The following NBPF14 variants were observed in gnomAD, a reference collection of about 807,000 sequenced individuals.
NBPF14 encodes NBPF member 14, also known as NBPF family member NBPF14.
In NBPF14, 104 loss-of-function variants were observed where a neutral mutation model predicts 91.2. The ratio of observed to expected loss-of-function variants is 1.14; its 90% confidence interval spans 0.97 to 1.34. NBPF14 has a LOEUF of 1.34. NBPF14 is among the 40% of genes most tolerant of loss of function. NBPF14 has a pLI of 0.00. For synonymous variants in NBPF14, 294 were observed against 303.8 expected (o/e 0.97, Z 0.34); for missense variants, 908 against 783.0 (o/e 1.16, Z -1.91).
In NBPF14 at chr1:148,566,598, TGAGG is replaced by T. The variant is rs1181698199; in HGVS notation, c.3543-287_3543-284del. Among the ~76,000 whole-genome samples, 21 of 140,712 alleles carry T rather than the reference TGAGG, an allele frequency of 1.5e-4. 1 individual carries two copies. The highest frequency in any genetic ancestry group is 1.5e-3 in the Admixed American group (21 of 14,220). The allele number at this position is 140,712 out of a possible 152,430, so 92.3% of individuals were successfully genotyped here. Reference sequence around the variant, plus strand: ...GTGAATTGTCCAGGTGACACACTGATGAGGGAGTAACAGGACACTCTGAGTTAGT... The same window carrying T: ...GTGAATTGTCCAGGTGACACACTGATGAGTAACAGGACACTCTGAGTTAGT... On this transcript the variant is annotated intron_variant, in intron 28 of 70. Transcript: ENST00000619423.
chr1:148,539,288 C>T (rs1655499975), intron 63 of NBPF14, 122 bp downstream of exon 63: 1 of 637,382 alleles, frequency 1.6e-6, no homozygotes, highest in Non-Finnish European at 2.8e-6. Context: ...CCTATATGCG[C>T]CCATAGGTCC....
chr1:148,586,805 G>C (rs1485967952), intron 8 of NBPF14, among the ~76,000 whole-genome samples: 1 of 137,316 alleles, frequency 7.3e-6, no homozygotes, highest in Non-Finnish European at 1.6e-5. Flanking sequence ...AATACACATA[G>C]TGCATCTTGC....
rs1258529529 is a variant in NBPF14 at position 148,533,986 on chromosome 1, C to A, written c.8615-17G>T. 4 of 697,762 alleles carry A rather than the reference C, an allele frequency of 5.7e-6. No homozygotes were observed. The Admixed American group carries it at 6.2e-5, about 11-fold the overall frequency. 43.2% of individuals were successfully genotyped at this position (697,762 alleles called of 1,614,324 possible). A position where few individuals can be genotyped will look rare whatever the true frequency, so the allele number is the denominator to read the frequency against. ...TTTCAATTTCTGCAATAAATTCAGA[C>A]ATGGACAGACACATTAAGCTGATTC... is the stretch of plus-strand genomic sequence containing the variant. On this transcript the variant is annotated splice_polypyrimidine_tract_variant and intron_variant, in intron 69 of 70. Transcript: ENST00000619423.
chr1:148,594,106 G>A (rs1353712204), intron 2 of NBPF14, among the ~76,000 whole-genome samples: 1 of 146,690 alleles, frequency 6.8e-6, no homozygotes, highest in African/African-American at 2.5e-5. Flanking sequence ...GGGACTGATG[G>A]CTTCCCTTTT....
Position 148,559,493 on chromosome 1 carries a change from C to G in NBPF14, c.4729+300G>C, listed in dbSNP as rs1358896525. On this transcript the variant is annotated intron_variant, in intron 37 of 70. Transcript: ENST00000619423. Reference sequence around the variant, plus strand: ...TGAAGGATGAAATCTACAAGATCTACAAAATTGAGACAAAATCAGAGTTGT... The same window carrying G: ...TGAAGGATGAAATCTACAAGATCTAGAAAATTGAGACAAAATCAGAGTTGT... Among the ~76,000 whole-genome samples the G allele has an allele frequency of 7.9e-3, 880 of 111,238 alleles. 5 individuals are homozygous for G. The highest frequency in any genetic ancestry group is 0.022 in the Middle Eastern group (5 of 226). The allele number at this position is 111,238 out of a possible 152,430, so 73.0% of individuals were successfully genotyped here.
intron 3 of NBPF14, among the ~76,000 whole-genome samples, chr1:148,593,149 C>A (rs1184312641): frequency 0.017 from 2,447 of 147,434 alleles, 126 homozygotes; most frequent in African/African-American, 0.058. Flanking sequence ...GAAATGAGGC[C>A]AGGTGCAGAT....
At chr1:148,534,552 C>A (rs1326761265) in intron 69 of NBPF14, 132 bp downstream of exon 69, 12 of 721,476 alleles carry the variant, frequency 1.7e-5, no homozygotes, top group East Asian at 2.6e-5. Flanking sequence ...TTCATTACAA[C>A]CTATATGCGC....
At chr1:148,566,422 G>C (rs1267538725) in intron 28 of NBPF14, 107 bp from the exon 29 acceptor site, 2 of 610,092 alleles carry the variant, frequency 3.3e-6, no homozygotes, top group African/African-American at 1.9e-5. Flanking sequence ...AAACTAAAAG[G>C]ATAGATCCAT....
At chr1:148,532,235 C>T (rs1193718929) in exon 71 of NBPF14, 1 of 150,944 alleles carries the variant, frequency 6.6e-6, no homozygotes, top group African/African-American at 2.4e-5. Flanking sequence ...CTGGTGATTA[C>T]CTCCTATGAA....
At chr1:148,561,814 C>CAGAGAGAGAGAG (rs1250718234) in intron 34 of NBPF14, among the ~76,000 whole-genome samples, 1 of 134,674 alleles carries the variant, frequency 7.4e-6, no homozygotes, top group African/African-American at 3.6e-5. Context: ...CACACACACA[C>CAGAGAGAGAGAG]ACACAGAGAG....
At chr1:148,591,154 C>T (rs1279565480) in intron 5 of NBPF14, among the ~76,000 whole-genome samples, 186 bp from the exon 6 acceptor site, 1 of 146,232 alleles carries the variant, frequency 6.8e-6, no homozygotes, top group Non-Finnish European at 1.5e-5. Flanking sequence ...GCCATGGGAG[C>T]CAGAGAGGAA....
intron 70 of NBPF14, 76 bp downstream of exon 70, chr1:148,533,785 C>A (rs1337785258): frequency 3.9e-6 from 3 of 764,358 alleles, no homozygotes; most frequent in Non-Finnish European, 7.2e-6. Context: ...TGACATCAAA[C>A]ACACTCTGGT....
intron 34 of NBPF14, among the ~76,000 whole-genome samples, chr1:148,561,836 G>T (rs1440433093): frequency 7.2e-6 from 1 of 138,030 alleles, no homozygotes. Flanking sequence ...GAGAGAGAGA[G>T]AGAGAGAGAG....
chr1:148,577,574 ACACT>A (rs1187358199), intron 14 of NBPF14, among the ~76,000 whole-genome samples: 20 of 149,416 alleles, frequency 1.3e-4, no homozygotes, highest in Middle Eastern at 3.5e-3. Context: ...ACACACACAC[ACACT>A]CACACACACA....
rs1304142695 is a variant in NBPF14, at chr1:148,533,977, A to G, written c.8615-8T>C. ...TCCCCTTCTTTTCAATTTCTGCAAT[A>G]AATTCAGACATGGACAGACACATTA... On this transcript the variant is annotated splice_polypyrimidine_tract_variant and splice_region_variant and intron_variant, in intron 69 of 70. Transcript: ENST00000619423. 9 of 704,748 alleles carry G rather than the reference A, an allele frequency of 1.3e-5. No individual in the cohort carries two copies. The Admixed American group carries it at 1.4e-4, about 11-fold the overall frequency. The allele number at this position is 704,748 out of a possible 1,614,324, so 43.7% of individuals were successfully genotyped here. A position where few individuals can be genotyped will look rare whatever the true frequency, so the allele number is the denominator to read the frequency against.
chr1:148,542,142 G>T (rs1655644282), intron 59 of NBPF14, among the ~76,000 whole-genome samples: 1 of 105,098 alleles, frequency 9.5e-6, no homozygotes, highest in South Asian at 3.5e-4. Flanking sequence ...ACCCTCAAAT[G>T]ATTTCTAGGA....
intron 36 of NBPF14, among the ~76,000 whole-genome samples, chr1:148,560,173 G>C (rs1199460165): frequency 2.0e-5 from 3 of 151,198 alleles, no homozygotes; most frequent in Non-Finnish European, 4.4e-5. Flanking sequence ...GAGAGACAGA[G>C]ACAGAGACAG....
At chr1:148,533,726 A>C (rs1402545435) in intron 70 of NBPF14, 135 bp downstream of exon 70, 1 of 735,566 alleles carries the variant, frequency 1.4e-6, no homozygotes, top group African/African-American at 1.7e-5. Context: ...TACTGCAATG[A>C]AAACCAACAG....
In NBPF14 at chr1:148,591,346, C is replaced by T. The variant is rs1662444127; in HGVS notation, c.566+86G>A. 3.4e-6 allele frequency: 5 copies of T among 1,458,780 alleles called. No individual in the cohort carries two copies. The East Asian group carries it at 6.8e-5, about 20-fold the overall frequency. 90.4% of individuals were successfully genotyped at this position (1,458,780 alleles called of 1,614,324 possible). A position where few individuals can be genotyped will look rare whatever the true frequency, so the allele number is the denominator to read the frequency against. ...TGGCCAAGGGAATGCGGGCATTTGG[C>T]CCATCATAGATGCCAGAGAGGGTGT... On this transcript the variant is annotated intron_variant, in intron 5 of 70. Coordinates refer to ENST00000619423, the Ensembl canonical transcript of NBPF14.
Sources: allele counts gnomAD v4.1 joint callset (sites outside exome capture counted in the v4.1 genomes callset), GRCh38; gene constraint gnomAD v4.1.1; transcripts MANE v1.5; gene names NCBI Gene and HGNC (gene_info 2026-07-23, HGNC 2026-07-21).